The following JPH1 variants were observed in gnomAD, a reference collection of about 807,000 sequenced individuals.
JPH1 encodes the protein junctophilin 1.
A neutral mutation model predicts 53.6 loss-of-function variants in JPH1; 12 were observed. The observed-to-expected ratio is 0.22, with a 90% CI of 0.14 to 0.36. The LOEUF (loss-of-function observed/expected upper bound fraction) is 0.36. Among genes scored for constraint, JPH1 ranks in the 10% least tolerant of loss-of-function variants. JPH1 has a pLI of 1.00. For missense variants in JPH1, 808 were observed against 905.5 expected (o/e 0.89, Z 1.38); for synonymous variants, 375 against 363.8 (o/e 1.03, Z -0.35).
intron 2 of JPH1, among the ~76,000 whole-genome samples, chr8:74,308,285 T>C (rs985993159): frequency 1.3e-5 from 2 of 152,198 alleles, no homozygotes; most frequent in African/African-American, 4.8e-5. Flanking sequence ...AGAATGGAAA[T>C]AACAGTTTGG....
At chr8:74,270,780 T>C (rs1806675431) in intron 2 of JPH1, among the ~76,000 whole-genome samples, 1 of 152,168 alleles carries the variant, frequency 6.6e-6, no homozygotes, top group South Asian at 2.1e-4. Flanking sequence ...CTTACATACT[T>C]ACCAAGCTTA....
intron 3 of JPH1, among the ~76,000 whole-genome samples, chr8:74,258,294 G>A (rs570207601): frequency 6.6e-6 from 1 of 152,274 alleles, no homozygotes; most frequent in African/African-American, 2.4e-5. Flanking sequence ...TCTTCACCTA[G>A]AAATCTGTTG....
intron 1 of JPH1, among the ~76,000 whole-genome samples, chr8:74,317,779 G>A (rs996257324): frequency 1.2e-4 from 18 of 152,274 alleles, no homozygotes; most frequent in Middle Eastern, 3.4e-3. Context: ...CTTGGTAAAT[G>A]TTTAACACTG....
In JPH1 at chr8:74,321,302, C is replaced by G. The variant is rs939275306; in HGVS notation, c.-15G>C. On this transcript the variant is annotated 5_prime_UTR_variant, in exon 1 of 6. Transcript: ENST00000342232. The surrounding 1 kb of genome is among the most constrained non-coding windows in gnomAD (Gnocchi z 4.3). ...CCGCCCGTCATTCGGGGGGCAGCCC[C>G]GGCGCGCTCCCCGCAGGGGCACGGA... The G allele has an allele frequency of 1.3e-6, 2 of 1,532,280 alleles. No individual in the cohort carries two copies. The highest frequency in any genetic ancestry group is 1.8e-6 in the Non-Finnish European group (2 of 1,139,672). The allele number at this position is 1,532,280 out of a possible 1,614,324, so 94.9% of individuals were successfully genotyped here.
chr8:74,264,076 C>T (rs1032739973), intron 2 of JPH1, among the ~76,000 whole-genome samples: 4 of 152,186 alleles, frequency 2.6e-5, no homozygotes, highest in African/African-American at 9.6e-5. Flanking sequence ...ATAAGACAGA[C>T]TCCTCTGCAA....
intron 2 of JPH1, among the ~76,000 whole-genome samples, chr8:74,270,464 T>G (rs967484637): frequency 2.0e-5 from 3 of 152,192 alleles, no homozygotes. Context: ...GATAAAATGA[T>G]AGCTTATCTG....
At chr8:74,316,590 G>A (rs978141761) in intron 1 of JPH1, among the ~76,000 whole-genome samples, 7 of 152,172 alleles carry the variant, frequency 4.6e-5, no homozygotes, top group Non-Finnish European at 8.8e-5. Context: ...CTGATGTAAG[G>A]CCAGATGAAA....
rs938279273 is a variant in JPH1, at chr8:74,253,345, G to A, written c.1258+6040C>T. The stretch of plus-strand genomic sequence containing the variant: ...AATAAAGATGTTCTTTGAAACCAGT[G>A]AGAACAAAGACACAATATACCAGAA... On this transcript the variant is annotated intron_variant, in intron 3 of 5. Coordinates refer to ENST00000342232, the MANE Select transcript of JPH1 (RefSeq NM_020647.4). Among the ~76,000 whole-genome samples, 3 of 152,038 alleles carry A rather than the reference G, an allele frequency of 2.0e-5. 1 individual carries two copies. The highest frequency in any genetic ancestry group is 7.3e-5 in the African/African-American group (3 of 41,308).
chr8:74,263,379 C>T (rs1054527237), intron 2 of JPH1, among the ~76,000 whole-genome samples: 10 of 152,072 alleles, frequency 6.6e-5, no homozygotes, highest in African/African-American at 1.4e-4. Context: ...ACAGCAGAGG[C>T]GATAACCTAA....
chr8:74,308,973 C>T (rs980730474), intron 2 of JPH1, among the ~76,000 whole-genome samples: 6 of 152,210 alleles, frequency 3.9e-5, no homozygotes, highest in Non-Finnish European at 8.8e-5. Context: ...TAAAATCCTA[C>T]AGGAAAAGTA....
chr8:74,261,601 A>C (rs1806397677), intron 2 of JPH1, among the ~76,000 whole-genome samples: 1 of 152,166 alleles, frequency 6.6e-6, no homozygotes, highest in African/African-American at 2.4e-5. Context: ...GCCATTGCTG[A>C]GGTACGATGG....
intron 2 of JPH1, among the ~76,000 whole-genome samples, chr8:74,291,857 T>A (rs1049000822): frequency 1.3e-5 from 2 of 152,154 alleles, no homozygotes; most frequent in African/African-American, 4.8e-5. Flanking sequence ...TAAGAAAGGA[T>A]GAGTTCATGT....
At chr8:74,294,354 T>C (rs1807438143) in intron 2 of JPH1, among the ~76,000 whole-genome samples, 1 of 151,458 alleles carries the variant, frequency 6.6e-6, no homozygotes. Flanking sequence ...GTGAAGCATT[T>C]GAACACTGTC....
At chr8:74,242,209 G>A (rs1805716319) in intron 4 of JPH1, among the ~76,000 whole-genome samples, 1 of 152,178 alleles carries the variant, frequency 6.6e-6, no homozygotes, top group Admixed American at 6.5e-5. Flanking sequence ...TGATCCTGAG[G>A]ATGGATCAGA....
chr8:74,297,137 T>C (rs1005958701), intron 2 of JPH1, among the ~76,000 whole-genome samples: 1 of 152,368 alleles, frequency 6.6e-6, no homozygotes, highest in East Asian at 1.9e-4. Flanking sequence ...AGTATTTTCT[T>C]AACAGAAAAA....
intron 2 of JPH1, among the ~76,000 whole-genome samples, chr8:74,260,601 G>A (rs1470180566): frequency 1.4e-5 from 2 of 147,228 alleles, no homozygotes; most frequent in Non-Finnish European, 2.9e-5. Context: ...GTTGGAGACA[G>A]CAGGAGAGAG....
chr8:74,290,712 G>A lies in JPH1; in HGVS notation c.1139+24149C>T, dbSNP rs532009451. On this transcript the variant is annotated intron_variant, in intron 2 of 5. Transcript: ENST00000342232. ...AAAAGAACAAAGCTGGAGGCATCAC[G>A]CTACCTGACTTCAAACTATACTACC... is the stretch of plus-strand genomic sequence containing the variant. 2.6e-4 allele frequency among the ~76,000 whole-genome samples: 39 copies of A among 152,150 alleles called. No homozygotes were observed. In the East Asian group the frequency reaches 7.1e-3, roughly 28 times the overall value.
intron 2 of JPH1, among the ~76,000 whole-genome samples, chr8:74,272,759 A>G (rs1397246291): frequency 1.3e-5 from 2 of 151,850 alleles, no homozygotes; most frequent in Non-Finnish European, 2.9e-5. Context: ...GCGCGCCACC[A>G]TGCCCGGCTA....
intron 4 of JPH1, among the ~76,000 whole-genome samples, chr8:74,239,462 T>G (rs1805632267): frequency 6.6e-6 from 1 of 152,234 alleles, no homozygotes; most frequent in South Asian, 2.1e-4. Context: ...CATCAAATTG[T>G]GATAACGACC....
Sources: gnomAD v4.1 joint callset for allele counts (sites outside exome capture counted in the v4.1 genomes callset) on GRCh38, gnomAD v4.1.1 for gene constraint, Gnocchi (gnomAD v3.1) non-coding constraint, MANE v1.5 for transcripts, NCBI Gene and HGNC (gene_info 2026-07-23, HGNC 2026-07-21) for gene names.